ADAMTSL3: variants seen among roughly 807,000 people sequenced by gnomAD.
The protein encoded by ADAMTSL3 is ADAMTS like 3, also known as ADAMTS-like protein 3.
A neutral mutation model predicts 201.7 loss-of-function variants in ADAMTSL3; 128 were observed. That is an observed-to-expected ratio of 0.63 (90% CI 0.55 to 0.73). The LOEUF is 0.73. Among genes scored for constraint, ADAMTSL3 ranks in the 30% least tolerant of loss-of-function variants. The pLI is 0.00. For synonymous variants in ADAMTSL3, 738 were observed against 748.4 expected, an observed-to-expected ratio of 0.99 and a Z score of 0.23; for missense variants, 1,990 against 2,119.6, an observed-to-expected ratio of 0.94 and a Z score of 1.20.
At chr15:83,980,747 A>G (rs920285683) in intron 20 of ADAMTSL3, among the ~76,000 whole-genome samples, 1 of 152,170 alleles carries the variant, frequency 6.6e-6, no homozygotes, top group Non-Finnish European at 1.5e-5. Context: ...AACATTCTCT[A>G]CCACAGAAAT....
intron 4 of ADAMTSL3, among the ~76,000 whole-genome samples, chr15:83,790,422 T>G (rs1371115863): frequency 6.6e-6 from 1 of 151,622 alleles, no homozygotes; most frequent in Non-Finnish European, 1.5e-5. Flanking sequence ...TAAGGCTGTT[T>G]CAGTATTTGA....
intron 4 of ADAMTSL3, among the ~76,000 whole-genome samples, chr15:83,787,428 T>C (rs1012507062): frequency 2.0e-5 from 3 of 152,200 alleles, no homozygotes; most frequent in Admixed American, 6.5e-5. Flanking sequence ...GACTATAGTA[T>C]GGGTCTGTGG....
At chr15:84,001,237 G>A (rs1054580070) in intron 23 of ADAMTSL3, among the ~76,000 whole-genome samples, 1 of 152,182 alleles carries the variant, frequency 6.6e-6, no homozygotes, top group African/African-American at 2.4e-5. Context: ...CAGGTGTCCC[G>A]AGGCTAGGGC....
At chr15:83,800,116 G>C (rs570962087) in intron 4 of ADAMTSL3, among the ~76,000 whole-genome samples, 1 of 148,450 alleles carries the variant, frequency 6.7e-6, no homozygotes, top group Non-Finnish European at 1.5e-5. Flanking sequence ...AGGTGGTTGG[G>C]TTTAAAAATA....
chr15:84,007,371 C>T (rs926622954), intron 23 of ADAMTSL3, among the ~76,000 whole-genome samples: 1 of 152,156 alleles, frequency 6.6e-6, no homozygotes, highest in Non-Finnish European at 1.5e-5. Flanking sequence ...CATCTGGATT[C>T]AGGAACTTAA....
chr15:83,756,148 T>C (rs2062716530), intron 3 of ADAMTSL3, among the ~76,000 whole-genome samples: 1 of 152,212 alleles, frequency 6.6e-6, no homozygotes, highest in African/African-American at 2.4e-5. Flanking sequence ...GGAACTACCG[T>C]AATGTTTTCC....
chr15:83,656,928 G>C (rs2061093697), intron 2 of ADAMTSL3, among the ~76,000 whole-genome samples: 1 of 152,014 alleles, frequency 6.6e-6, no homozygotes, highest in Non-Finnish European at 1.5e-5. Context: ...GCCTCTTTTG[G>C]CTCCAATGCC....
chr15:83,811,367 A>AT (rs2063693715), intron 5 of ADAMTSL3, among the ~76,000 whole-genome samples: 1 of 152,194 alleles, frequency 6.6e-6, no homozygotes. Flanking sequence ...AAAACAATTC[A>AT]TTTTAAACCC....
intron 2 of ADAMTSL3, among the ~76,000 whole-genome samples, chr15:83,683,043 A>G (rs2061495163): frequency 6.6e-6 from 1 of 152,192 alleles, no homozygotes; most frequent in African/African-American, 2.4e-5. Context: ...TCACTTGGAA[A>G]TATTTGGACT....
At chr15:83,806,041 C>T (rs1294309303) in intron 5 of ADAMTSL3, among the ~76,000 whole-genome samples, 1 of 152,220 alleles carries the variant, frequency 6.6e-6, no homozygotes, top group Non-Finnish European at 1.5e-5. Flanking sequence ...GCCCACCTCC[C>T]ATGACCCAGG....
At chr15:83,930,208 G>A (rs1184533384) in intron 17 of ADAMTSL3, among the ~76,000 whole-genome samples, 4 of 152,106 alleles carry the variant, frequency 2.6e-5, no homozygotes, top group Non-Finnish European at 5.9e-5. Context: ...TATGATCACC[G>A]AGGTCCCCTA....
intron 4 of ADAMTSL3, among the ~76,000 whole-genome samples, chr15:83,774,785 G>C (rs1391000817): frequency 6.6e-6 from 1 of 151,970 alleles, no homozygotes; most frequent in African/African-American, 2.4e-5. Context: ...TGTTGTTTTG[G>C]GATATATTTA....
chr15:83,666,708 G>A (rs1380935947), intron 2 of ADAMTSL3, among the ~76,000 whole-genome samples: 1 of 152,000 alleles, frequency 6.6e-6, no homozygotes, highest in Admixed American at 6.6e-5. Flanking sequence ...GGGCGTGGTG[G>A]TGTGTGTGCC....
intron 16 of ADAMTSL3, among the ~76,000 whole-genome samples, chr15:83,918,432 T>C (rs1260696651): frequency 6.6e-6 from 1 of 152,158 alleles, no homozygotes; most frequent in African/African-American, 2.4e-5. Context: ...AAAAGAAGTA[T>C]ATGGTGCTAT....
At chr15:83,715,127 C>T (rs778241494) in intron 3 of ADAMTSL3, among the ~76,000 whole-genome samples, 1 of 151,948 alleles carries the variant, frequency 6.6e-6, no homozygotes, top group Non-Finnish European at 1.5e-5. Context: ...AACAACAAAC[C>T]CTGTGGGGAT....
intron 26 of ADAMTSL3, among the ~76,000 whole-genome samples, chr15:84,024,790 G>C (rs149361638): frequency 6.6e-6 from 1 of 152,148 alleles, no homozygotes; most frequent in Non-Finnish European, 1.5e-5. Flanking sequence ...GTGGACATCC[G>C]TTTCTTTTCT....
chr15:83,672,966 T>C (rs1596002607), intron 2 of ADAMTSL3, among the ~76,000 whole-genome samples: 1 of 152,228 alleles, frequency 6.6e-6, no homozygotes, highest in South Asian at 2.1e-4. Flanking sequence ...GCAGGCATCA[T>C]TGTTCACAGC....
chr15:83,720,993 TA>T (rs1223858273), intron 3 of ADAMTSL3, among the ~76,000 whole-genome samples: 1 of 152,250 alleles, frequency 6.6e-6, no homozygotes, highest in African/African-American at 2.4e-5. Flanking sequence ...AATTTTATTG[TA>T]AAATACTTGA....
chr15:83,780,999 A>G (rs1233353436), intron 4 of ADAMTSL3, among the ~76,000 whole-genome samples: 2 of 152,218 alleles, frequency 1.3e-5, no homozygotes, highest in Non-Finnish European at 2.9e-5. Flanking sequence ...TCATGGATAG[A>G]AAGAATCAAT....
Sources: gnomAD v4.1 joint callset for allele counts (sites outside exome capture counted in the v4.1 genomes callset) on GRCh38, gnomAD v4.1.1 for gene constraint, MANE v1.5 for transcripts, NCBI Gene and HGNC (gene_info 2026-07-23, HGNC 2026-07-21) for gene names.